CST9L: variants seen among roughly 807,000 people sequenced by gnomAD.
CST9L encodes cystatin-9-like.
Under a neutral mutation model 13.2 loss-of-function variants are expected in CST9L, and 17 were observed. The ratio of observed to expected loss-of-function variants is 1.29; its 90% confidence interval spans 0.88 to 1.93. The LOEUF (loss-of-function observed/expected upper bound fraction) is 1.93. Ranked by LOEUF, CST9L falls within the 30% of genes most tolerant of loss-of-function variation. CST9L has a pLI of 0.00. For synonymous variants in CST9L, 78 were observed against 69.1 expected (o/e 1.13, Z -0.64); for missense variants, 170 against 170.5 (o/e 1.00, Z 0.02).
chr20:23,564,891 G>A lies in CST9L; in HGVS notation c.*57C>T. The A allele has an allele frequency of 8.2e-7, 1 of 1,217,602 alleles. No homozygotes were observed. The highest frequency in any genetic ancestry group is 1.2e-6 in the Non-Finnish European group (1 of 817,788). 75.4% of individuals were successfully genotyped at this position (1,217,602 alleles called of 1,614,324 possible). A position where few individuals can be genotyped will look rare whatever the true frequency, so the allele number is the denominator to read the frequency against. The stretch of plus-strand genomic sequence containing the variant: ...ACTGAAGAGTCCTCAGGAGAGTAGT[G>A]CTGATGTCCACGGAATGTGGGAGCA... On this transcript the variant is annotated 3_prime_UTR_variant, in exon 3 of 3. Coordinates refer to ENST00000376979, the MANE Select transcript of CST9L (RefSeq NM_080610.3).
intron 1 of CST9L, among the ~76,000 whole-genome samples, chr20:23,567,768 G>C (rs1479474323): frequency 6.6e-6 from 1 of 151,238 alleles, no homozygotes; most frequent in African/African-American, 2.4e-5. Flanking sequence ...GACTGGTGGG[G>C]GTTTCTTATT....
intron 2 of CST9L, among the ~76,000 whole-genome samples, 191 bp from the exon 3 acceptor site, chr20:23,565,228 T>C (rs1234474848): frequency 2.0e-5 from 3 of 152,162 alleles, no homozygotes; most frequent in Non-Finnish European, 4.4e-5. Flanking sequence ...TGAGCTGAAC[T>C]GCAACTCTTT....
chr20:23,568,355 G>A lies in CST9L; in HGVS notation c.96C>T (p.His32=), dbSNP rs145793842. 20 of 1,614,208 alleles carry A rather than the reference G, an allele frequency of 1.2e-5. No homozygotes were observed. The highest frequency in any genetic ancestry group is 4.0e-5 in the African/African-American group (3 of 75,038). ...TGTGTTCATCACAGTCCCTTTGCTC[G>A]TGGAAATGCCAGGCATAGATCAGCA... The part of the protein sequence containing the change: ...QILLIYAWHF[H]EQRDCDEHNV... Residue 32 remains histidine (H), a synonymous_variant, in exon 1 of 3, where the codon CAC becomes CAT. Coordinates refer to ENST00000376979, the MANE Select transcript of CST9L (RefSeq NM_080610.3).
At chr20:23,566,583 G>A (rs1490738216) in intron 1 of CST9L, among the ~76,000 whole-genome samples, 2 of 152,158 alleles carry the variant, frequency 1.3e-5, no homozygotes, top group Admixed American at 1.3e-4. Context: ...TGGGACAATG[G>A]CTTCAAGAAA....
intron 2 of CST9L, 28 bp from the exon 3 acceptor site, chr20:23,565,065 G>T (rs779145789): frequency 6.6e-6 from 10 of 1,522,580 alleles, no homozygotes; most frequent in Non-Finnish European, 9.1e-6. Context: ...GGAAGGGACA[G>T]TGGGTGAGGG....
At position 23,568,262 on chromosome 20, in the gene CST9L, C is replaced by T; in HGVS notation, c.189G>A (p.Lys63=). Residue 63 remains lysine (K), a synonymous_variant, in exon 1 of 3, where the codon AAG becomes AAA. Coordinates refer to ENST00000376979, the MANE Select transcript of CST9L (RefSeq NM_080610.3). ...FAVHTFNQQS[K]DYYAYRLGHI... ...GCCCCAGTCTGTAGGCATAGTAGTC[C>T]TTGCTCTGTTGGTTGAATGTGTGGA... 1 of 1,614,134 alleles carries T rather than the reference C, an allele frequency of 6.2e-7. No individual in the cohort carries two copies. The highest frequency in any genetic ancestry group is 8.5e-7 in the Non-Finnish European group (1 of 1,180,010).
rs1220011256 is a variant in CST9L, at chr20:23,568,222, A to G, written c.229T>C (p.Trp77Arg). ...AYRLGHILNS[W>R]KEQVESKTVF... ...ACGTGGTCACCAACCTGCTCCTTCC[A>G]GGAATTCAAGATGTGCCCCAGTCTG... The change falls in exon 1 of 3, where the codon TGG (tryptophan) becomes CGG (arginine). Residue 77 changes from tryptophan to arginine, a missense_variant. Physicochemically the swap from Trp to Arg is moderately radical, Grantham distance 101. Coordinates refer to ENST00000376979, the MANE Select transcript of CST9L (RefSeq NM_080610.3). The G allele has an allele frequency of 6.8e-6, 11 of 1,614,068 alleles. No homozygotes were observed. Among genetic ancestry groups the G allele is most frequent in the Non-Finnish European group, 9.3e-6 (11 of 1,180,040 alleles).
chr20:23,566,594 C>A (rs1989098727), intron 1 of CST9L, among the ~76,000 whole-genome samples: 1 of 152,138 alleles, frequency 6.6e-6, no homozygotes, highest in African/African-American at 2.4e-5. Flanking sequence ...CTTCAAGAAA[C>A]ACCATCTGGG....
chr20:23,568,476 T>G lies in CST9L; in HGVS notation c.-26A>C. ...GGTGCTGACTGTAGGCACCGCTGAC[T>G]TTGCTCTTCCCAGCCCCCGTGCCCA... On this transcript the variant is annotated 5_prime_UTR_variant, in exon 1 of 3. Coordinates refer to ENST00000376979, the MANE Select transcript of CST9L (RefSeq NM_080610.3). 1 of 1,609,020 alleles carries G rather than the reference T, an allele frequency of 6.2e-7. No individual in the cohort carries two copies. The highest frequency in any genetic ancestry group is 1.1e-5 in the South Asian group (1 of 90,220).
intron 1 of CST9L, 80 bp from the exon 2 acceptor site, chr20:23,566,167 T>C: frequency 1.2e-6 from 1 of 843,202 alleles, no homozygotes; most frequent in South Asian, 1.3e-5. Flanking sequence ...GTCATTTGTG[T>C]AGGAGAAGTC....
chr20:23,566,119 A>T lies in CST9L; in HGVS notation c.241-32T>A, dbSNP rs771226340. On this transcript the variant is annotated intron_variant, in intron 1 of 2. Transcript: ENST00000376979. ...CACACAGAGAGATTAATGTGAACAC[A>T]CCCTCCTTGTTGCCCCTAAGTAGCT... is the stretch of plus-strand genomic sequence containing the variant. 10 of 1,225,682 alleles carry T rather than the reference A, an allele frequency of 8.2e-6. No individual in the cohort carries two copies. The East Asian group carries it at 1.2e-4, about 14-fold the overall frequency. The allele number at this position is 1,225,682 out of a possible 1,614,324, so 75.9% of individuals were successfully genotyped here. A position where few individuals can be genotyped will look rare whatever the true frequency, so the allele number is the denominator to read the frequency against.
chr20:23,566,372 G>A (rs1483587081), intron 1 of CST9L, among the ~76,000 whole-genome samples: 1 of 152,232 alleles, frequency 6.6e-6, no homozygotes, highest in East Asian at 1.9e-4. Flanking sequence ...GTCAGTGTCT[G>A]AACCTGCAGC....
In CST9L at chr20:23,568,232, G is replaced by C. The variant is rs775815886; in HGVS notation, c.219C>G (p.Ile73Met). Residue 73 changes from isoleucine to methionine, a missense_variant, in exon 1 of 3, where the codon ATC becomes ATG. Transcript: ENST00000376979. ...CAACCTGCTCCTTCCAGGAATTCAA[G>C]ATGTGCCCCAGTCTGTAGGCATAGT... ...KDYYAYRLGH[I>M]LNSWKEQVES... The C allele has an allele frequency of 8.7e-6, 14 of 1,614,036 alleles. No homozygotes were observed. In the African/African-American group the frequency reaches 1.9e-4, roughly 22 times the overall value.
rs1342378762 is a variant in CST9L at position 23,564,745 on chromosome 20, T to C, written c.*203A>G. 1.9e-6 allele frequency: 1 copy of C among 539,124 alleles called. No individual in the cohort carries two copies. Among genetic ancestry groups the C allele is most frequent in the East Asian group, 3.0e-5 (1 of 33,252 alleles). 33.4% of individuals were successfully genotyped at this position (539,124 alleles called of 1,614,324 possible). ...CAGCACACAAAGTTTCTTAAAATGC[T>C]GATGTTTAATGATCTACACTACATG... On this transcript the variant is annotated 3_prime_UTR_variant, in exon 3 of 3. Coordinates refer to ENST00000376979, the MANE Select transcript of CST9L (RefSeq NM_080610.3).
intron 1 of CST9L, among the ~76,000 whole-genome samples, chr20:23,568,000 A>T (rs917333381): frequency 6.6e-6 from 1 of 152,214 alleles, no homozygotes; most frequent in East Asian, 1.9e-4. Context: ...TATGTTTTTC[A>T]TGAGAGTTGA....
intron 1 of CST9L, 75 bp downstream of exon 1, chr20:23,568,136 G>GCCCC: frequency 6.6e-7 from 1 of 1,519,112 alleles, no homozygotes; most frequent in Non-Finnish European, 9.1e-7. Context: ...AAGACCCCCT[G>GCCCC]TCCCCACCCC....
chr20:23,565,920 C>A, intron 2 of CST9L, 54 bp downstream of exon 2: 1 of 969,224 alleles, frequency 1.0e-6, no homozygotes, highest in Non-Finnish European at 1.7e-6. Flanking sequence ...CCACACCACA[C>A]CCCATGTGGC....
At chr20:23,565,567 G>C (rs998449524) in intron 2 of CST9L, among the ~76,000 whole-genome samples, 1 of 152,134 alleles carries the variant, frequency 6.6e-6, no homozygotes, top group Non-Finnish European at 1.5e-5. Flanking sequence ...CTAGGGGAGG[G>C]TAAGGAAACC....
chr20:23,565,013 T>A lies in CST9L; in HGVS notation c.379A>T (p.Ser127Cys). 1 of 1,613,872 alleles carries A rather than the reference T, an allele frequency of 6.2e-7. No homozygotes were observed. Among genetic ancestry groups the A allele is most frequent in the Non-Finnish European group, 8.5e-7 (1 of 1,179,890 alleles). The part of the protein sequence containing the change: ...NNTFTCFFTI[S>C]TRPWMTQFSL... ...AACTGAGTCATCCAGGGCCTGGTGC[T>A]GATGGTGAAGAAGCAGGTGAAAGTC... The change falls in exon 3 of 3, where the codon AGC becomes TGC. Residue 127 changes from serine (S) to cysteine (C), a missense_variant. Ser to Cys is a moderately radical substitution (Grantham distance 112). Coordinates refer to ENST00000376979, the MANE Select transcript of CST9L (RefSeq NM_080610.3).
Sources: gnomAD v4.1 joint callset for allele counts (sites outside exome capture counted in the v4.1 genomes callset) on GRCh38, gnomAD v4.1.1 for gene constraint, MANE v1.5 for transcripts, NCBI Gene and HGNC (gene_info 2026-07-23, HGNC 2026-07-21) for gene names.